TBC1D4: variants seen among roughly 807,000 people sequenced by gnomAD.
TBC1D4 encodes the protein TBC1 domain family member 4, also known as TBC (Tre-2, BUB2, CDC16) domain-containing protein.
A neutral mutation model predicts 142.5 loss-of-function variants in TBC1D4; 121 were observed. The observed-to-expected ratio is 0.85, with a 90% CI of 0.73 to 0.99. The LOEUF (loss-of-function observed/expected upper bound fraction) is 0.99, where lower values mean the gene tolerates loss of function less well. TBC1D4 is among the 50% of genes least tolerant of loss of function. TBC1D4 has a pLI of 0.00. For synonymous variants in TBC1D4, 630 were observed against 628.2 expected (o/e 1.00, Z -0.04); for missense variants, 1,475 against 1,606.6 (o/e 0.92, Z 1.40).
At chr13:75,289,149 A>G (rs760371726) in intron 19 of TBC1D4, 39 bp from the exon 20 acceptor site, 3 of 1,607,682 alleles carry the variant, frequency 1.9e-6, no homozygotes. Context: ...AGCCTTTGGT[A>G]TGTATAACAA....
Position 75,362,699 on chromosome 13 carries a change from T to G in TBC1D4, c.499-92A>C, listed in dbSNP as rs1841728084. ...CAATTATTACCACATGGAATGTATT[T>G]TCATCCTAAATAATATACAAAGTAA... On this transcript the variant is annotated intron_variant, in intron 1 of 20. Transcript: ENST00000377636. This position sits in a 1 kb window ranked among gnomAD's most constrained non-coding sequence, Gnocchi z 4.2. The G allele has an allele frequency of 7.3e-7, 1 of 1,363,510 alleles. No homozygotes were observed. Among genetic ancestry groups the G allele is most frequent in the Admixed American group, 1.8e-5 (1 of 56,660 alleles). The allele number at this position is 1,363,510 out of a possible 1,614,324, so 84.5% of individuals were successfully genotyped here.
intron 1 of TBC1D4, among the ~76,000 whole-genome samples, chr13:75,383,297 T>C (rs1006900696): frequency 1.3e-5 from 2 of 152,190 alleles, no homozygotes; most frequent in African/African-American, 4.8e-5. Context: ...CACTCCAGTC[T>C]GGGCAACAGA....
Position 75,304,729 on chromosome 13 carries a change from G to A in TBC1D4, c.2752+1584C>T, listed in dbSNP as rs79223793. 5.4e-3 allele frequency among the ~76,000 whole-genome samples: 821 copies of A among 152,132 alleles called. 6 individuals carry two copies. The highest frequency in any genetic ancestry group is 0.018 in the African/African-American group (767 of 41,468). The stretch of plus-strand genomic sequence containing the variant: ...CCCTGAGACGGGCAGAGGAAAGGGC[G>A]GAAGAAAGAGGAGTGAGAAGAGGAT... On this transcript the variant is annotated intron_variant, in intron 15 of 20. Coordinates refer to ENST00000377636, the MANE Select transcript of TBC1D4 (RefSeq NM_014832.5).
At chr13:75,331,845 G>GAAAA (rs4052616) in intron 8 of TBC1D4, among the ~76,000 whole-genome samples, 7 of 140,480 alleles carry the variant, frequency 5.0e-5, no homozygotes, top group Non-Finnish European at 1.1e-4. Flanking sequence ...AACTCAGCAG[G>GAAAA]AAAAAAAAAA....
At chr13:75,350,708 T>C (rs1388183629) in intron 4 of TBC1D4, among the ~76,000 whole-genome samples, 2 of 152,154 alleles carry the variant, frequency 1.3e-5, no homozygotes, top group Non-Finnish European at 2.9e-5. Context: ...ACTAGTAATA[T>C]AAATGATTTC....
intron 8 of TBC1D4, 89 bp from the exon 9 acceptor site, chr13:75,327,915 G>T: frequency 7.6e-7 from 1 of 1,322,706 alleles, no homozygotes; most frequent in South Asian, 1.2e-5. Flanking sequence ...GTCTCTTAAT[G>T]TTAGCATTAA....
intron 1 of TBC1D4, among the ~76,000 whole-genome samples, chr13:75,414,318 G>A (rs777124006): frequency 7.9e-5 from 12 of 152,140 alleles, no homozygotes; most frequent in Non-Finnish European, 1.5e-4. Context: ...GAAAGCCAAG[G>A]GCATAGCAGA....
At chr13:75,395,084 T>C (rs947023122) in intron 1 of TBC1D4, among the ~76,000 whole-genome samples, 4 of 152,198 alleles carry the variant, frequency 2.6e-5, no homozygotes, top group Non-Finnish European at 5.9e-5. Flanking sequence ...AAAATATTTA[T>C]CCAATTAGAA....
At chr13:75,380,132 G>A (rs1251309337) in intron 1 of TBC1D4, among the ~76,000 whole-genome samples, 1 of 151,336 alleles carries the variant, frequency 6.6e-6, no homozygotes. Context: ...ACCCGCCTCG[G>A]CTTCCCAAAG....
At chr13:75,481,204 C>CAACCCCCCA in intron 1 of TBC1D4, 66 bp downstream of exon 1, 2 of 1,408,460 alleles carry the variant, frequency 1.4e-6, no homozygotes, top group South Asian at 1.2e-5. Context: ...GTCCCCGCCC[C>CAACCCCCCA]TCCCGCCCTG....
At chr13:75,398,212 A>G (rs1884900752) in intron 1 of TBC1D4, among the ~76,000 whole-genome samples, 1 of 152,246 alleles carries the variant, frequency 6.6e-6, no homozygotes, top group Non-Finnish European at 1.5e-5. Flanking sequence ...CAGGGTACTA[A>G]GTATATAAAC....
intron 1 of TBC1D4, among the ~76,000 whole-genome samples, chr13:75,473,163 A>G (rs1888487669): frequency 6.6e-6 from 1 of 151,410 alleles, no homozygotes; most frequent in Non-Finnish European, 1.5e-5. Context: ...ACACCTGGCT[A>G]ATTTTTGCTA....
chr13:75,472,396 G>C (rs1469744064), intron 1 of TBC1D4, among the ~76,000 whole-genome samples: 1 of 152,096 alleles, frequency 6.6e-6, no homozygotes, highest in Non-Finnish European at 1.5e-5. Flanking sequence ...TCCAGCCTGG[G>C]TGACAAAGCA....
rs200017368 is a variant in TBC1D4 at position 75,287,031 on chromosome 13, T to TG, written c.3664-7dup. On this transcript the variant is annotated splice_region_variant and splice_polypyrimidine_tract_variant and intron_variant, in intron 20 of 20. Coordinates refer to ENST00000377636, the MANE Select transcript of TBC1D4 (RefSeq NM_014832.5). ...TGGATTTTAGTATGAGCTACCTGTT[T>TG]GGGGGGGAAAAAATCCTCCAAATCA... 4.1e-5 allele frequency: 65 copies of TG among 1,600,454 alleles called. 1 individual carries two copies. In the Admixed American group the frequency reaches 4.4e-4, roughly 11 times the overall value.
chr13:75,327,299 A>T (rs1490302631), intron 9 of TBC1D4, among the ~76,000 whole-genome samples: 1 of 152,198 alleles, frequency 6.6e-6, no homozygotes, highest in Non-Finnish European at 1.5e-5. Flanking sequence ...CTCAGGTGAC[A>T]TACTGCACTA....
chr13:75,307,386 C>T (rs1593897192), intron 14 of TBC1D4, among the ~76,000 whole-genome samples: 2 of 152,160 alleles, frequency 1.3e-5, no homozygotes, highest in African/African-American at 4.8e-5. Flanking sequence ...CCGCCCAGAG[C>T]TCATTAAAAG....
intron 1 of TBC1D4, among the ~76,000 whole-genome samples, chr13:75,409,178 A>G (rs532848587): frequency 6.6e-6 from 1 of 152,180 alleles, no homozygotes; most frequent in Non-Finnish European, 1.5e-5. Context: ...TCACACAATG[A>G]TATCATATAT....
intron 14 of TBC1D4, among the ~76,000 whole-genome samples, chr13:75,308,933 A>T (rs1055641526): frequency 2.0e-5 from 3 of 152,224 alleles, no homozygotes; most frequent in Admixed American, 2.0e-4. Flanking sequence ...AAAATAAAAA[A>T]ATTAAATTGA....
chr13:75,356,802 A>G (rs1343266398), intron 3 of TBC1D4, among the ~76,000 whole-genome samples: 1 of 152,190 alleles, frequency 6.6e-6, no homozygotes, highest in African/African-American at 2.4e-5. Context: ...AATTATCCAC[A>G]GTGACAAATC....
Sources: allele counts gnomAD v4.1 joint callset (sites outside exome capture counted in the v4.1 genomes callset), GRCh38; gene constraint gnomAD v4.1.1; non-coding constraint Gnocchi (gnomAD v3.1); transcripts MANE v1.5; gene names NCBI Gene and HGNC (gene_info 2026-07-23, HGNC 2026-07-21).